RBMS3: variants seen among roughly 807,000 people sequenced by gnomAD.
RBMS3 encodes RNA-binding motif, single-stranded-interacting protein 3.
In RBMS3, 27 loss-of-function variants were observed where a neutral mutation model predicts 66.8. The observed-to-expected ratio is 0.40, with a 90% CI of 0.30 to 0.56. The LOEUF is 0.56. Among genes scored for constraint, RBMS3 ranks in the 20% least tolerant of loss-of-function variants. The pLI is 0.40. For synonymous variants in RBMS3, 188 were observed against 183.0 expected (o/e 1.03, Z -0.22); for missense variants, 513 against 549.5 (o/e 0.93, Z 0.66).
intron 1 of RBMS3, among the ~76,000 whole-genome samples, chr3:29,416,808 A>G (rs1028386286): frequency 1.1e-4 from 17 of 152,168 alleles, no homozygotes; most frequent in African/African-American, 3.6e-4. Flanking sequence ...TGTGGGAAGT[A>G]GAAGAAAAAA....
chr3:29,715,151 T>C (rs2053337839), intron 4 of RBMS3, among the ~76,000 whole-genome samples: 1 of 152,162 alleles, frequency 6.6e-6, no homozygotes, highest in Non-Finnish European at 1.5e-5. Context: ...CTTTATGAAT[T>C]GTAAAATAAT....
chr3:29,544,447 C>G (rs1288295294), intron 3 of RBMS3, among the ~76,000 whole-genome samples: 2 of 151,596 alleles, frequency 1.3e-5, no homozygotes, highest in Non-Finnish European at 2.9e-5. Context: ...TAAAAACTAA[C>G]TTTGGAAATT....
intron 4 of RBMS3, among the ~76,000 whole-genome samples, chr3:29,661,168 C>A (rs749270451): frequency 6.6e-6 from 1 of 152,168 alleles, no homozygotes; most frequent in Non-Finnish European, 1.5e-5. Context: ...AAGCCTTCCC[C>A]TGGAAGTTGC....
At chr3:29,459,832 T>C (rs1414438977) in intron 2 of RBMS3, among the ~76,000 whole-genome samples, 2 of 152,316 alleles carry the variant, frequency 1.3e-5, no homozygotes, top group East Asian at 1.9e-4. Context: ...TTTGCTAACA[T>C]GAAGCAAGAA....
chr3:29,995,523 G>A (rs1577348703), intron 14 of RBMS3, among the ~76,000 whole-genome samples: 2 of 151,266 alleles, frequency 1.3e-5, no homozygotes, highest in African/African-American at 2.4e-5. Context: ...AGAAAGGTCG[G>A]GTTACCCTCA....
chr3:29,998,320 C>T (rs527238754), intron 14 of RBMS3, among the ~76,000 whole-genome samples: 108 of 152,240 alleles, frequency 7.1e-4, no homozygotes, highest in African/African-American at 2.4e-3. Context: ...GAATCAATAT[C>T]GTGAAATTGG....
chr3:29,586,285 A>G (rs1369660817), intron 3 of RBMS3, among the ~76,000 whole-genome samples: 3 of 152,138 alleles, frequency 2.0e-5, no homozygotes, highest in Non-Finnish European at 4.4e-5. Context: ...TAGCTTAAGG[A>G]CATACAAAAT....
intron 6 of RBMS3, among the ~76,000 whole-genome samples, chr3:29,794,564 C>T (rs1026065966): frequency 1.4e-3 from 211 of 152,058 alleles, no homozygotes; most frequent in Non-Finnish European, 1.9e-3. Flanking sequence ...CCAGCATGGG[C>T]GACAGAGCAA....
rs1491427389 is a variant in RBMS3, at chr3:29,388,111, A to AGTG, written c.76-46632_76-46631insGTG. ...CACACACACACACACACACACACAC[A>AGTG]TGTGTGTGTATGTATATATGTGTAT... On this transcript the variant is annotated intron_variant, in intron 1 of 14. Coordinates refer to ENST00000383767, the MANE Select transcript of RBMS3 (RefSeq NM_001003793.3). Among the ~76,000 whole-genome samples, 129 of 140,110 alleles carry AGTG rather than the reference A, an allele frequency of 9.2e-4. 1 individual carries two copies. The highest frequency in any genetic ancestry group is 1.1e-3 in the Non-Finnish European group (71 of 67,464). 91.9% of individuals were successfully genotyped at this position (140,110 alleles called of 152,430 possible). A position where few individuals can be genotyped will look rare whatever the true frequency, so the allele number is the denominator to read the frequency against.
chr3:29,930,748 A>G (rs945532837), intron 10 of RBMS3, among the ~76,000 whole-genome samples: 13 of 151,618 alleles, frequency 8.6e-5, no homozygotes, highest in African/African-American at 2.7e-4. Context: ...ATATATTTAT[A>G]TGTCTCATAT....
chr3:29,638,984 T>C (rs1449809560), intron 4 of RBMS3, among the ~76,000 whole-genome samples: 12 of 151,900 alleles, frequency 7.9e-5, no homozygotes, highest in Admixed American at 2.6e-4. Context: ...ATCATAATAA[T>C]CCTTTCTTTA....
chr3:29,876,312 A>T (rs2059610004), intron 7 of RBMS3, among the ~76,000 whole-genome samples: 1 of 152,178 alleles, frequency 6.6e-6, no homozygotes, highest in African/African-American at 2.4e-5. Context: ...GGCTAAAAAA[A>T]ATTATCTTTA....
Position 29,750,079 on chromosome 3 carries a change from A to C in RBMS3, c.557+10202A>C, listed in dbSNP as rs192378519. ...AAAAGAGTCAGTAATGTTGCAAACA[A>C]AAAAGTCATAAAAATCATTTCAGTC... is the stretch of plus-strand genomic sequence containing the variant. On this transcript the variant is annotated intron_variant, in intron 5 of 14. Transcript: ENST00000383767. 3.9e-4 allele frequency among the ~76,000 whole-genome samples: 60 copies of C among 152,326 alleles called. 1 individual carries two copies. The highest frequency in any genetic ancestry group is 1.5e-4 in the Non-Finnish European group (10 of 68,016).
chr3:29,875,909 C>T (rs942958948), intron 7 of RBMS3, among the ~76,000 whole-genome samples: 2 of 152,064 alleles, frequency 1.3e-5, no homozygotes, highest in African/African-American at 4.8e-5. Context: ...GATAGCACTA[C>T]GTTAGCAAAA....
rs907353532 is a variant in RBMS3 at position 30,005,326 on chromosome 3, G to C, written c.*1464G>C. The C allele has an allele frequency of 6.6e-6, 1 of 151,788 alleles. No individual in the cohort carries two copies. Among genetic ancestry groups the C allele is most frequent in the Non-Finnish European group, 1.5e-5 (1 of 67,798 alleles). 9.4% of individuals were successfully genotyped at this position (151,788 alleles called of 1,614,324 possible). A position where few individuals can be genotyped will look rare whatever the true frequency, so the allele number is the denominator to read the frequency against. On this transcript the variant is annotated 3_prime_UTR_variant, in exon 15 of 15. Coordinates refer to ENST00000383767, the MANE Select transcript of RBMS3 (RefSeq NM_001003793.3). ...AGTTCTGGATATGAACTGATTCATA[G>C]AGCCAAGTGGCTTTAAATTCTGTGA...
At position 29,488,491 on chromosome 3, in the gene RBMS3, A is replaced by T. The variant is rs748154033; in HGVS notation, c.299A>T (p.Gln100Leu). 6.2e-7 allele frequency: 1 copy of T among 1,611,636 alleles called. No individual in the cohort carries two copies. Among genetic ancestry groups the T allele is most frequent in the East Asian group, 2.2e-5 (1 of 44,850 alleles). The change falls in exon 3 of 15, where the codon CAG (glutamine) becomes CTG (leucine). Residue 100 changes from glutamine to leucine, a missense_variant. Transcript: ENST00000383767. ...GCAATTCTTGACAAAAACACAAATC[A>T]GTGCAAAGGTATGTGTAAGGGCATC... ...TKAILDKNTN[Q>L]CKGYGFVDFD...
Position 29,672,085 on chromosome 3 carries a change from C to G in RBMS3, c.400-67635C>G, listed in dbSNP as rs141340157. Among the ~76,000 whole-genome samples the G allele has an allele frequency of 2.5e-3, 380 of 152,320 alleles. 3 individuals are homozygous for G. The highest frequency in any genetic ancestry group is 8.9e-3 in the African/African-American group (371 of 41,566). ...GAAGCCCATCAGACTAACAGTAGAT[C>G]TCTCAACAGGAACTCTATAAGCCAG... On this transcript the variant is annotated intron_variant, in intron 4 of 14. Coordinates refer to ENST00000383767, the MANE Select transcript of RBMS3 (RefSeq NM_001003793.3).
intron 1 of RBMS3, among the ~76,000 whole-genome samples, chr3:29,296,325 A>G (rs1263029679): frequency 1.3e-5 from 2 of 151,826 alleles, no homozygotes; most frequent in Admixed American, 1.3e-4. Context: ...ATTTTTTTCC[A>G]AAGGCTTTGG....
At chr3:29,847,697 C>A (rs1274033239) in intron 6 of RBMS3, among the ~76,000 whole-genome samples, 2 of 151,878 alleles carry the variant, frequency 1.3e-5, no homozygotes, top group Non-Finnish European at 2.9e-5. Context: ...CCTCTGTCGC[C>A]CAGGCTGGAG....
Sources: gnomAD v4.1 joint callset for allele counts (sites outside exome capture counted in the v4.1 genomes callset) on GRCh38, gnomAD v4.1.1 for gene constraint, MANE v1.5 for transcripts, NCBI Gene and HGNC (gene_info 2026-07-23, HGNC 2026-07-21) for gene names.